DAPP1: variants seen among roughly 807,000 people sequenced by gnomAD.
DAPP1 encodes the protein dual adapter for phosphotyrosine and 3-phosphotyrosine and 3-phosphoinositide.
In DAPP1, 20 loss-of-function variants were observed where a neutral mutation model predicts 41.5. That is an observed-to-expected ratio of 0.48 (90% CI 0.34 to 0.70). The LOEUF (loss-of-function observed/expected upper bound fraction) is 0.70. Among genes scored for constraint, DAPP1 ranks in the 30% least tolerant of loss-of-function variants. The probability of loss-of-function intolerance (pLI) is 0.01; values close to 1 mark genes in which losing one functional copy is unlikely to be tolerated. For synonymous variants in DAPP1, 113 were observed against 116.2 expected (o/e 0.97, Z 0.18); for missense variants, 233 against 333.4 (o/e 0.70, Z 2.35).
intron 3 of DAPP1, 72 bp downstream of exon 3, chr4:99,840,494 T>C (rs1251461977): frequency 5.4e-6 from 8 of 1,476,938 alleles, no homozygotes; most frequent in Non-Finnish European, 7.3e-6. Context: ...CAGATTTCAA[T>C]TTAAGAATGT....
intron 1 of DAPP1, among the ~76,000 whole-genome samples, chr4:99,825,613 T>C (rs1328898645): frequency 6.6e-6 from 1 of 152,226 alleles, no homozygotes; most frequent in Non-Finnish European, 1.5e-5. Flanking sequence ...AAAAGCAATT[T>C]TGAAAGATAC....
chr4:99,823,703 T>G (rs1242212157), intron 1 of DAPP1, among the ~76,000 whole-genome samples: 2 of 152,180 alleles, frequency 1.3e-5, no homozygotes, highest in Admixed American at 6.5e-5. Flanking sequence ...TGGAATTACA[T>G]AGTCATCATG....
chr4:99,854,593 T>G (rs1723980484), intron 4 of DAPP1, among the ~76,000 whole-genome samples: 1 of 152,078 alleles, frequency 6.6e-6, no homozygotes, highest in African/African-American at 2.4e-5. Context: ...GGACCCTGCT[T>G]GCCTCTCTGT....
rs72913018 is a variant in DAPP1 at position 99,868,349 on chromosome 4, C to T, written c.*164C>T. 5,017 of 625,362 alleles carry T rather than the reference C, an allele frequency of 8.0e-3. 187 individuals are homozygous for T. Among genetic ancestry groups the T allele is most frequent in the African/African-American group, 0.079 (4,306 of 54,374 alleles). 38.7% of individuals were successfully genotyped at this position (625,362 alleles called of 1,614,324 possible). On this transcript the variant is annotated 3_prime_UTR_variant, in exon 9 of 9. Coordinates refer to ENST00000512369, the MANE Select transcript of DAPP1 (RefSeq NM_014395.3). Reference sequence around the variant, plus strand: ...ACCCATATACCACGTTGCTGACTCACGTTGCTGCCCTTCCATGATGTTGCC... The same window carrying T: ...ACCCATATACCACGTTGCTGACTCATGTTGCTGCCCTTCCATGATGTTGCC...
intron 2 of DAPP1, among the ~76,000 whole-genome samples, chr4:99,838,779 G>A (rs1294716760): frequency 4.6e-5 from 7 of 152,182 alleles, no homozygotes; most frequent in Admixed American, 4.6e-4. Flanking sequence ...TTATTTTGGG[G>A]AATTACAGCC....
At chr4:99,872,127 A>G (rs1468111979), downstream of DAPP1, among the ~76,000 whole-genome samples, 1 of 152,242 alleles carries the variant, frequency 6.6e-6, no homozygotes, top group Non-Finnish European at 1.5e-5. Context: ...TCTGGGAGGC[A>G]TTTGAGAATG....
chr4:99,843,892 T>A (rs1219975966), intron 3 of DAPP1, among the ~76,000 whole-genome samples: 1 of 152,256 alleles, frequency 6.6e-6, no homozygotes, highest in Non-Finnish European at 1.5e-5. Context: ...CCATTTCCAA[T>A]GCCTGCATTG....
At chr4:99,871,262 C>T (rs1724620198), downstream of DAPP1, among the ~76,000 whole-genome samples, 1 of 152,182 alleles carries the variant, frequency 6.6e-6, no homozygotes, top group Non-Finnish European at 1.5e-5. Context: ...TGCAGCAAAT[C>T]CATGTTTCTA....
At chr4:99,865,966 T>TTTTATA (rs1553942237) in intron 7 of DAPP1, 68 bp from the exon 8 acceptor site, 6 of 78,924 alleles carry the variant, frequency 7.6e-5, no homozygotes, top group East Asian at 6.7e-4. Context: ...ATTATATATA[T>TTTTATA]TATATATATA....
intron 3 of DAPP1, among the ~76,000 whole-genome samples, chr4:99,848,494 G>T (rs1723747656): frequency 6.6e-6 from 1 of 151,958 alleles, no homozygotes; most frequent in South Asian, 2.1e-4. Context: ...CTCCCAAAGT[G>T]CTGGGATTAC....
chr4:99,859,666 A>C (rs1232831449), intron 4 of DAPP1, among the ~76,000 whole-genome samples: 2 of 152,034 alleles, frequency 1.3e-5, no homozygotes, highest in Non-Finnish European at 2.9e-5. Context: ...TCTACTACTC[A>C]ACCCTTACCC....
chr4:99,862,911 A>G, intron 5 of DAPP1, 99 bp from the exon 6 acceptor site: 10 of 880,386 alleles, frequency 1.1e-5, no homozygotes, highest in Non-Finnish European at 3.3e-6. Context: ...TTTTTTAGAT[A>G]CTTTTAAAAT....
At chr4:99,835,006 G>T (rs1723246756) in intron 1 of DAPP1, among the ~76,000 whole-genome samples, 1 of 59,178 alleles carries the variant, frequency 1.7e-5, no homozygotes, top group Non-Finnish European at 3.3e-5. Flanking sequence ...CCACCCTAAT[G>T]ACCTCATTTT....
intron 1 of DAPP1, among the ~76,000 whole-genome samples, chr4:99,822,915 G>A (rs534608525): frequency 6.6e-6 from 1 of 152,230 alleles, no homozygotes; most frequent in Non-Finnish European, 1.5e-5. Context: ...ATCAGTGTTC[G>A]CTGCTCACCA....
chr4:99,819,508 C>G (rs1362301806), intron 1 of DAPP1, among the ~76,000 whole-genome samples: 1 of 152,180 alleles, frequency 6.6e-6, no homozygotes, highest in Non-Finnish European at 1.5e-5. Flanking sequence ...TTGACAATGA[C>G]TTGTTGCCTC....
intron 1 of DAPP1, among the ~76,000 whole-genome samples, chr4:99,821,532 T>G (rs1560685477): frequency 6.6e-6 from 1 of 152,254 alleles, no homozygotes; most frequent in Non-Finnish European, 1.5e-5. Context: ...ACTTGTTTAA[T>G]TTACACATTG....
At chr4:99,870,846 T>C (rs574845701), downstream of DAPP1, among the ~76,000 whole-genome samples, 12 of 152,358 alleles carry the variant, frequency 7.9e-5, no homozygotes, top group East Asian at 1.2e-3. Context: ...GGAAGGCTAA[T>C]ACAGATGGTT....
intron 7 of DAPP1, chr4:99,865,829 AC>A (rs1229424882): frequency 2.0e-5 from 3 of 147,620 alleles, no homozygotes; most frequent in African/African-American, 7.6e-5. Context: ...ATATACCAGC[AC>A]TTCAAGGTAC....
intron 3 of DAPP1, among the ~76,000 whole-genome samples, chr4:99,851,077 G>A (rs567153921): frequency 1.3e-5 from 2 of 152,148 alleles, no homozygotes; most frequent in South Asian, 4.1e-4. Flanking sequence ...GGGAGCCAGC[G>A]CTGAATTTAC....
Sources: allele counts gnomAD v4.1 joint callset (sites outside exome capture counted in the v4.1 genomes callset), GRCh38; gene constraint gnomAD v4.1.1; transcripts MANE v1.5; gene names NCBI Gene and HGNC (gene_info 2026-07-23, HGNC 2026-07-21).